Variants in CHM observed in about 807,000 individuals in gnomAD.
CHM encodes the protein CHM Rab escort protein.
Under a neutral mutation model 49.0 loss-of-function variants are expected in CHM, and 10 were observed. The observed-to-expected ratio is 0.20, with a 90% CI of 0.13 to 0.35. The LOEUF (loss-of-function observed/expected upper bound fraction) is 0.35, where lower values mean the gene tolerates loss of function less well. CHM is among the 10% of genes least tolerant of loss of function. CHM has a pLI of 1.00. For missense variants in CHM, 455 were observed against 478.4 expected, an observed-to-expected ratio of 0.95 and a Z score of 0.46; for synonymous variants, 184 against 167.5, an observed-to-expected ratio of 1.10 and a Z score of -0.76.
rs765481437 is a variant in CHM, at chrX:85,961,899, A to G, written c.702+1766T>C. Among the ~76,000 whole-genome samples the G allele has an allele frequency of 2.7e-5, 3 of 111,215 alleles. No individual in the cohort carries two copies. In the South Asian group the frequency reaches 1.1e-3, roughly 42 times the overall value. On this transcript the variant is annotated intron_variant, in intron 5 of 14. Transcript: ENST00000357749. ...GTATCTTCAAATGTGTCAACTTCTA[A>G]TTCAATTGTCTTTTTCCTCCCACAA...
At chrX:85,928,379 C>G (rs761206207) in intron 8 of CHM, among the ~76,000 whole-genome samples, 200 of 110,456 alleles carry the variant, frequency 1.8e-3, no homozygotes, top group African/African-American at 6.2e-3. Flanking sequence ...CCCATCTCTA[C>G]TAAAAATACA....
rs966421568 is a variant in CHM at position 85,941,623 on chromosome X, C to T, written c.1166+14530G>A. On this transcript the variant is annotated intron_variant, in intron 8 of 14. Coordinates refer to ENST00000357749, the MANE Select transcript of CHM (RefSeq NM_000390.4). ...AACTGAAGTTGGAAAAACCTGCCAC[C>T]TATTTTTAGAAATAAATTTTTTAGA... 3.6e-5 allele frequency among the ~76,000 whole-genome samples: 4 copies of T among 111,387 alleles called. No homozygotes were observed. In the East Asian group the frequency reaches 8.4e-4, roughly 23 times the overall value.
chrX:85,892,537 C>G (rs1209851938), intron 12 of CHM, among the ~76,000 whole-genome samples: 1 of 109,926 alleles, frequency 9.1e-6, no homozygotes, highest in African/African-American at 3.3e-5. Flanking sequence ...TGCCTTTTGC[C>G]TCCTGCCATG....
intron 2 of CHM, among the ~76,000 whole-genome samples, chrX:85,998,730 A>C (rs1259332565): frequency 9.0e-6 from 1 of 111,010 alleles, no homozygotes; most frequent in Non-Finnish European, 1.9e-5. Context: ...CTGTTTGCCC[A>C]AGATCAAATT....
chrX:85,988,290 T>C (rs1932017562), intron 2 of CHM, among the ~76,000 whole-genome samples: 1 of 112,123 alleles, frequency 8.9e-6, no homozygotes, highest in South Asian at 3.7e-4. Flanking sequence ...GAAAGACTTT[T>C]GATAAAATTC....
In CHM at chrX:85,956,214, C is replaced by A. The variant is rs1490488080; in HGVS notation, c.1105G>T (p.Gly369Cys). 8 of 1,209,248 alleles carry A rather than the reference C, an allele frequency of 6.6e-6. No homozygotes were observed. The highest frequency in any genetic ancestry group is 8.9e-6 in the Non-Finnish European group (8 of 895,009). ...KNFLHCLGRY[G>C]NTPFLFPLYG... The stretch of plus-strand genomic sequence containing the variant: ...AAAGGAAACAAAAATGGAGTGTTGC[C>A]ATACCGCCCAAGACAGTGAAGAAAG... The change falls in exon 8 of 15, where the codon GGC becomes TGC. Residue 369 changes from glycine (G) to cysteine (C), a missense_variant. Transcript: ENST00000357749.
At chrX:85,965,562 A>G (rs1349131155) in intron 4 of CHM, among the ~76,000 whole-genome samples, 1 of 111,490 alleles carries the variant, frequency 9.0e-6, no homozygotes, top group Non-Finnish European at 1.9e-5. Context: ...CGTGCAGACT[A>G]TTTTTGTTTC....
chrX:86,013,323 C>G (rs904681851), intron 2 of CHM, among the ~76,000 whole-genome samples: 1 of 111,824 alleles, frequency 8.9e-6, no homozygotes, highest in Non-Finnish European at 1.9e-5. Flanking sequence ...GTGGAAGGCC[C>G]AGGACCAGGT....
chrX:85,988,961 A>T (rs192885361), intron 2 of CHM, among the ~76,000 whole-genome samples: 202 of 112,208 alleles, frequency 1.8e-3, no homozygotes, highest in African/African-American at 6.2e-3. Flanking sequence ...TCCCTATCAA[A>T]CTACCAACAA....
At chrX:85,982,624 C>G (rs1190886473) in intron 2 of CHM, among the ~76,000 whole-genome samples, 1 of 110,854 alleles carries the variant, frequency 9.0e-6, no homozygotes, top group Non-Finnish European at 1.9e-5. Flanking sequence ...TATTGGGGCT[C>G]CGGATCCTTG....
At chrX:85,878,182 T>C (rs1014914537) in intron 13 of CHM, among the ~76,000 whole-genome samples, 15 of 112,130 alleles carry the variant, frequency 1.3e-4, no homozygotes, top group Non-Finnish European at 2.3e-4. Context: ...ACACTATGCA[T>C]TAAAAGACTA....
chrX:85,874,238 CTCT>C (rs1310311543), intron 13 of CHM, among the ~76,000 whole-genome samples: 1 of 111,804 alleles, frequency 8.9e-6, no homozygotes, highest in African/African-American at 3.2e-5. Context: ...TTATTTGCCT[CTCT>C]TCTTTAAAAC....
At chrX:85,876,272 T>G (rs1382421060) in intron 13 of CHM, among the ~76,000 whole-genome samples, 1 of 111,462 alleles carries the variant, frequency 9.0e-6, no homozygotes, top group Non-Finnish European at 1.9e-5. Context: ...GAATGTAGAA[T>G]TCAAAGACAA....
intron 2 of CHM, among the ~76,000 whole-genome samples, chrX:86,021,645 CT>C (rs1002737837): frequency 4.5e-5 from 5 of 111,205 alleles, no homozygotes; most frequent in African/African-American, 1.6e-4. Flanking sequence ...AGTGGAACTA[CT>C]ATATGGTCCA....
intron 12 of CHM, among the ~76,000 whole-genome samples, chrX:85,880,920 T>A (rs938650941): frequency 4.5e-5 from 5 of 111,934 alleles, no homozygotes; most frequent in Non-Finnish European, 9.4e-5. Flanking sequence ...TAGTATAGAT[T>A]ACTGAATTCA....
chrX:85,961,149 C>T (rs1356253859), intron 5 of CHM, among the ~76,000 whole-genome samples: 1 of 110,720 alleles, frequency 9.0e-6, no homozygotes, highest in Non-Finnish European at 1.9e-5. Context: ...TGGACGAGCA[C>T]GGTGGCTCAC....
At chrX:86,001,620 C>T (rs1932723037) in intron 2 of CHM, among the ~76,000 whole-genome samples, 1 of 110,289 alleles carries the variant, frequency 9.1e-6, no homozygotes, top group Non-Finnish European at 1.9e-5. Context: ...CACTTTTAAA[C>T]AACCAGAACT....
At chrX:85,888,605 G>C (rs1291656020) in intron 12 of CHM, among the ~76,000 whole-genome samples, 1 of 111,522 alleles carries the variant, frequency 9.0e-6, no homozygotes, top group Non-Finnish European at 1.9e-5. Context: ...TGGGACCAAA[G>C]AGCAAAATGG....
intron 8 of CHM, among the ~76,000 whole-genome samples, chrX:85,940,142 G>A (rs1929022398): frequency 9.0e-6 from 1 of 111,312 alleles, no homozygotes; most frequent in Admixed American, 9.6e-5. Context: ...AGAGAGCAAA[G>A]GGGGAAGTGC....
Sources: gnomAD v4.1 joint callset for allele counts (sites outside exome capture counted in the v4.1 genomes callset) on GRCh38, gnomAD v4.1.1 for gene constraint, MANE v1.5 for transcripts, NCBI Gene and HGNC (gene_info 2026-07-23, HGNC 2026-07-21) for gene names.